AP2A2: variants seen among roughly 807,000 people sequenced by gnomAD.
AP2A2 encodes AP-2 complex subunit alpha-2.
A neutral mutation model predicts 104.2 loss-of-function variants in AP2A2; 32 were observed. The ratio of observed to expected loss-of-function variants is 0.31; its 90% CI spans 0.23 to 0.41. The LOEUF (loss-of-function observed/expected upper bound fraction) is 0.41. Ranked by LOEUF, AP2A2 falls within the 10% of genes least tolerant of loss-of-function variation. The pLI is 1.00. For missense variants in AP2A2, 912 were observed against 1,261.0 expected (o/e 0.72, Z 4.19); for synonymous variants, 539 against 533.3 (o/e 1.01, Z -0.15).
At chr11:969,702 G>C (rs1340459646) in intron 2 of AP2A2, among the ~76,000 whole-genome samples, 1 of 152,202 alleles carries the variant, frequency 6.6e-6, no homozygotes, top group African/African-American at 2.4e-5. Flanking sequence ...TTCATGACCA[G>C]CTGATTTGCC....
At chr11:940,864 C>G (rs1366363233) in intron 1 of AP2A2, 5 of 456,104 alleles carry the variant, frequency 1.1e-5, no homozygotes, top group Admixed American at 7.1e-5. Context: ...TCAGTTCTTC[C>G]AGAGGACTCT....
In AP2A2 at chr11:986,259, A is replaced by G. The variant is rs73393705; in HGVS notation, c.963-526A>G. Among the ~76,000 whole-genome samples the G allele has an allele frequency of 1.2e-3, 188 of 152,362 alleles. 1 individual carries two copies. The highest frequency in any genetic ancestry group is 4.4e-3 in the African/African-American group (181 of 41,586). On this transcript the variant is annotated intron_variant, in intron 8 of 21. Coordinates refer to ENST00000448903, the MANE Select transcript of AP2A2 (RefSeq NM_012305.4). ...CATTTGCTACTACAGCATTTTTACA[A>G]ATGATGAAAACTCAGTCTGAGAGTC...
intron 3 of AP2A2, among the ~76,000 whole-genome samples, chr11:970,786 G>A (rs2134621367): frequency 6.6e-6 from 1 of 152,338 alleles, no homozygotes; most frequent in South Asian, 2.1e-4. Flanking sequence ...CCCGTCCCGT[G>A]GTCCCTTGGA....
At chr11:931,675 C>G (rs1175646718) in intron 1 of AP2A2, among the ~76,000 whole-genome samples, 2 of 151,904 alleles carry the variant, frequency 1.3e-5, no homozygotes, top group Non-Finnish European at 2.9e-5. Context: ...AGCAAGATGG[C>G]AAAAATGAAT....
Position 939,633 on chromosome 11 carries a change from C to T in AP2A2, c.67+13545C>T, listed in dbSNP as rs557467261. On this transcript the variant is annotated intron_variant, in intron 1 of 21. Coordinates refer to ENST00000448903, the MANE Select transcript of AP2A2 (RefSeq NM_012305.4). ...TAATTTTTTGTATTTTTATTAGAGA[C>T]GGAGTTTCACCATGTTGACCAGGCT... 1.2e-4 allele frequency among the ~76,000 whole-genome samples: 19 copies of T among 152,076 alleles called. No homozygotes were observed. In the South Asian group the frequency reaches 1.5e-3, roughly 12 times the overall value.
At chr11:929,535 T>G (rs1002164410) in intron 1 of AP2A2, among the ~76,000 whole-genome samples, 21 of 152,266 alleles carry the variant, frequency 1.4e-4, no homozygotes, top group African/African-American at 5.1e-4. Flanking sequence ...GAAATATCGT[T>G]AAAGCCTGTT....
chr11:1,012,197 A>C lies in AP2A2; in HGVS notation c.*1572A>C, dbSNP rs1204435816. 6.6e-6 allele frequency: 1 copy of C among 152,332 alleles called. No individual in the cohort carries two copies. Among genetic ancestry groups the C allele is most frequent in the Non-Finnish European group, 1.5e-5 (1 of 68,146 alleles). The allele number at this position is 152,332 out of a possible 1,614,324, so 9.4% of individuals were successfully genotyped here. On this transcript the variant is annotated 3_prime_UTR_variant, in exon 22 of 22. Coordinates refer to ENST00000448903, the MANE Select transcript of AP2A2 (RefSeq NM_012305.4). Reference sequence around the variant, plus strand: ...TGTGCGGCGCTGCAGAGGGGCCCTCAGTGTGGCACTCCTCGTCAAAGAAAA... The same window carrying C: ...TGTGCGGCGCTGCAGAGGGGCCCTCCGTGTGGCACTCCTCGTCAAAGAAAA...
intron 2 of AP2A2, among the ~76,000 whole-genome samples, chr11:965,614 GT>G (rs1399593598): frequency 6.6e-6 from 1 of 152,210 alleles, no homozygotes; most frequent in African/African-American, 2.4e-5. Flanking sequence ...TTTGGGTGGT[GT>G]GGGCCTGGAG....
At chr11:936,939 G>C (rs765271381) in intron 1 of AP2A2, among the ~76,000 whole-genome samples, 3 of 152,150 alleles carry the variant, frequency 2.0e-5, no homozygotes, top group African/African-American at 4.8e-5. Context: ...TGCTGGGCCT[G>C]TGCTGCGGCA....
At chr11:931,499 A>G (rs992029572) in intron 1 of AP2A2, among the ~76,000 whole-genome samples, 2 of 152,220 alleles carry the variant, frequency 1.3e-5, no homozygotes, top group African/African-American at 4.8e-5. Context: ...AAGAAGTGAT[A>G]AGTCCTTTTG....
Position 992,377 on chromosome 11 carries a change from A to G in AP2A2, c.1270-126A>G. 1 of 960,374 alleles carries G rather than the reference A, an allele frequency of 1.0e-6. No homozygotes were observed. Among genetic ancestry groups the G allele is most frequent in the Non-Finnish European group, 1.6e-6 (1 of 627,150 alleles). The allele number at this position is 960,374 out of a possible 1,614,324, so 59.5% of individuals were successfully genotyped here. On this transcript the variant is annotated intron_variant, in intron 10 of 21. Transcript: ENST00000448903. The surrounding 1 kb of genome is among the most constrained non-coding windows in gnomAD (Gnocchi z 6.4). ...TGAGAATCGAGTTCAAGCTTCCTCC[A>G]TGTCCCAAACTTTTGTAGACACATT...
chr11:949,647 T>C (rs10751673), intron 1 of AP2A2, among the ~76,000 whole-genome samples: 89,751 of 151,616 alleles, frequency 0.59, 27,184 homozygotes, highest in Middle Eastern at 0.73. Flanking sequence ...TGGTGGCATG[T>C]GCCTATAGTC....
intron 2 of AP2A2, among the ~76,000 whole-genome samples, chr11:960,495 C>T (rs1854394739): frequency 1.3e-5 from 2 of 152,198 alleles, no homozygotes; most frequent in South Asian, 4.1e-4. Flanking sequence ...GCCTCGGCCT[C>T]CCAAAGTGCT....
intron 1 of AP2A2, among the ~76,000 whole-genome samples, chr11:940,229 C>T (rs1281458322): frequency 1.3e-5 from 2 of 152,288 alleles, no homozygotes; most frequent in East Asian, 3.9e-4. Context: ...GCTGGGATTA[C>T]AGCCGTGAGC....
chr11:950,280 C>G lies in AP2A2; in HGVS notation c.68-9157C>G, dbSNP rs1000449741. ...AACTATGAGACTCCTACCAAAAAAA[C>G]AGGAGTAAGTTTCTGTGACTTTGGA... On this transcript the variant is annotated intron_variant, in intron 1 of 21. Transcript: ENST00000448903. 2.0e-5 allele frequency among the ~76,000 whole-genome samples: 3 copies of G among 150,252 alleles called. No individual in the cohort carries two copies. In the East Asian group the frequency reaches 5.8e-4, roughly 29 times the overall value.
rs758911148 is a variant in AP2A2 at position 1,010,689 on chromosome 11, G to A, written c.*64G>A. On this transcript the variant is annotated 3_prime_UTR_variant, in exon 22 of 22. Transcript: ENST00000448903. ...GTCTTCGTCTGTGCCGTTTGTCTTC[G>A]TGGCCATCCTGCAGATGAGCACCGT... 5.0e-6 allele frequency: 7 copies of A among 1,404,466 alleles called. No homozygotes were observed. The highest frequency in any genetic ancestry group is 1.4e-5 in the African/African-American group (1 of 70,042). 87.0% of individuals were successfully genotyped at this position (1,404,466 alleles called of 1,614,324 possible). A position where few individuals can be genotyped will look rare whatever the true frequency, so the allele number is the denominator to read the frequency against.
In AP2A2 at chr11:992,024, C is replaced by T. The variant is rs1855672979; in HGVS notation, c.1270-479C>T. Among the ~76,000 whole-genome samples, 1 of 152,098 alleles carries T rather than the reference C, an allele frequency of 6.6e-6. No homozygotes were observed. Among genetic ancestry groups the T allele is most frequent in the African/African-American group, 2.4e-5 (1 of 41,398 alleles). On this transcript the variant is annotated intron_variant, in intron 10 of 21. Transcript: ENST00000448903. This position sits in a 1 kb window ranked among gnomAD's most constrained non-coding sequence, Gnocchi z 6.4. Reference sequence around the variant, plus strand: ...GAGCCAGAGAGGGGAAGAAGGGGAACCCCCAGGTGAGGCTCGCAGGAAAGA... The same window carrying T: ...GAGCCAGAGAGGGGAAGAAGGGGAATCCCCAGGTGAGGCTCGCAGGAAAGA...
chr11:980,623 G>A (rs984970868), intron 5 of AP2A2, among the ~76,000 whole-genome samples: 4 of 152,208 alleles, frequency 2.6e-5, no homozygotes, highest in South Asian at 2.1e-4. Context: ...CTCACTGAGG[G>A]CCAGGAGGAG....
chr11:984,277 A>G (rs1179926512), intron 6 of AP2A2, among the ~76,000 whole-genome samples: 1 of 151,792 alleles, frequency 6.6e-6, no homozygotes, highest in East Asian at 1.9e-4. Context: ...GTTGTGGGGT[A>G]GGGTCAGAAT....
Sources: gnomAD v4.1 joint callset for allele counts (sites outside exome capture counted in the v4.1 genomes callset) on GRCh38, gnomAD v4.1.1 for gene constraint, Gnocchi (gnomAD v3.1) non-coding constraint, MANE v1.5 for transcripts, NCBI Gene and HGNC (gene_info 2026-07-23, HGNC 2026-07-21) for gene names.